The following ADAMTSL1 variants were observed in gnomAD, a reference collection of about 807,000 sequenced individuals.
ADAMTSL1 encodes ADAMTS-like protein 1.
Under a neutral mutation model 201.8 loss-of-function variants are expected in ADAMTSL1, and 126 were observed. That is an observed-to-expected ratio of 0.62 (90% CI 0.54 to 0.72). The LOEUF (loss-of-function observed/expected upper bound fraction) is 0.72, where lower values mean the gene tolerates loss of function less well. Among genes scored for constraint, ADAMTSL1 ranks in the 30% least tolerant of loss-of-function variants. The probability of loss-of-function intolerance (pLI) is 0.00; values close to 1 mark genes in which losing one functional copy is unlikely to be tolerated. For synonymous variants in ADAMTSL1, 1,121 were observed against 903.4 expected, an observed-to-expected ratio of 1.24 and a Z score of -4.32; for missense variants, 2,679 against 2,277.8, an observed-to-expected ratio of 1.18 and a Z score of -3.59.
At chr9:18,559,961 C>T (rs13300791) in intron 3 of ADAMTSL1, among the ~76,000 whole-genome samples, 6 of 152,096 alleles carry the variant, frequency 3.9e-5, no homozygotes, top group African/African-American at 1.2e-4. Flanking sequence ...CAAACAGAGA[C>T]AATTTGACTT....
chr9:18,310,613 G>A (rs147807287), intron 2 of ADAMTSL1, among the ~76,000 whole-genome samples: 119 of 152,106 alleles, frequency 7.8e-4, no homozygotes, highest in Middle Eastern at 6.8e-3. Context: ...AATGGTCATC[G>A]TCACTGGTCA....
chr9:18,565,409 C>G (rs1167132275), intron 3 of ADAMTSL1, among the ~76,000 whole-genome samples: 2 of 152,020 alleles, frequency 1.3e-5, no homozygotes, highest in Non-Finnish European at 2.9e-5. Flanking sequence ...ACTCATTTCC[C>G]TTGAATATGT....
At chr9:18,535,916 C>T (rs1484627959) in intron 3 of ADAMTSL1, among the ~76,000 whole-genome samples, 3 of 152,212 alleles carry the variant, frequency 2.0e-5, no homozygotes, top group East Asian at 1.9e-4. Context: ...ATGGGAAGTA[C>T]AACTTAAGAT....
At chr9:18,791,867 C>G (rs1197511162) in intron 19 of ADAMTSL1, among the ~76,000 whole-genome samples, 1 of 152,166 alleles carries the variant, frequency 6.6e-6, no homozygotes, top group Non-Finnish European at 1.5e-5. Flanking sequence ...ACTCTGTGCC[C>G]TCTGTGATGG....
chr9:18,319,081 G>T (rs72686857), intron 2 of ADAMTSL1, among the ~76,000 whole-genome samples: 12,903 of 152,052 alleles, frequency 0.085, 744 homozygotes, highest in Non-Finnish European at 0.12. Context: ...GGGAGTAGTG[G>T]CACGCCTGTA....
chr9:18,214,683 A>G (rs1453511416), intron 2 of ADAMTSL1, among the ~76,000 whole-genome samples: 1 of 152,210 alleles, frequency 6.6e-6, no homozygotes, highest in African/African-American at 2.4e-5. Flanking sequence ...GCTATTAATA[A>G]TGTTTACAAA....
At chr9:18,192,028 C>T (rs190888235) in intron 2 of ADAMTSL1, among the ~76,000 whole-genome samples, 42 of 152,224 alleles carry the variant, frequency 2.8e-4, no homozygotes, top group African/African-American at 9.6e-4. Context: ...CGGTGTTTGA[C>T]ATTGATGGTA....
rs71333072 is a variant in ADAMTSL1 at position 18,904,633 on chromosome 9, CAAAAAAAAAAAA to C, written c.4852-1121_4852-1110del. Among the ~76,000 whole-genome samples the C allele has an allele frequency of 8.1e-3, 122 of 14,998 alleles. 8 individuals carry two copies. Among genetic ancestry groups the C allele is most frequent in the African/African-American group, 0.023 (107 of 4,636 alleles). The allele number at this position is 14,998 out of a possible 152,430, so 9.8% of individuals were successfully genotyped here. On this transcript the variant is annotated intron_variant, in intron 26 of 28. Transcript: ENST00000380548. ...TGGGCAACAGAAAGAGACCCTGCCTCAAAAAAAAAAAAAAAAAAAAAAAAAAAAAAAAAAAAA... is the reference window on the plus strand; with the variant it reads ...TGGGCAACAGAAAGAGACCCTGCCTCAAAAAAAAAAAAAAAAAAAAAAAAA...
chr9:17,930,946 G>C (rs1014290731), intron 1 of ADAMTSL1, among the ~76,000 whole-genome samples: 1 of 152,062 alleles, frequency 6.6e-6, no homozygotes, highest in Non-Finnish European at 1.5e-5. Context: ...GACTGCTGGC[G>C]GCATTGTCCT....
At chr9:17,939,392 A>AT (rs553875093) in intron 1 of ADAMTSL1, among the ~76,000 whole-genome samples, 4 of 149,452 alleles carry the variant, frequency 2.7e-5, no homozygotes, top group Admixed American at 1.3e-4. Flanking sequence ...CCTTTCTACC[A>AT]TTTTTTTTGG....
At chr9:17,927,426 A>G (rs1253864820) in intron 1 of ADAMTSL1, among the ~76,000 whole-genome samples, 1 of 152,080 alleles carries the variant, frequency 6.6e-6, no homozygotes, top group Non-Finnish European at 1.5e-5. Context: ...ATATACATGT[A>G]TACATATATG....
At chr9:18,222,780 C>A (rs529125441) in intron 2 of ADAMTSL1, among the ~76,000 whole-genome samples, 2 of 151,572 alleles carry the variant, frequency 1.3e-5, no homozygotes, top group East Asian at 3.9e-4. Context: ...TGTTTGCCTG[C>A]AAAAACATCT....
At chr9:18,549,523 AT>A (rs1472025441) in intron 3 of ADAMTSL1, among the ~76,000 whole-genome samples, 1 of 152,016 alleles carries the variant, frequency 6.6e-6, no homozygotes, top group Non-Finnish European at 1.5e-5. Flanking sequence ...AACAATGGTG[AT>A]CCCCAAAGGG....
At chr9:18,711,374 G>C (rs771913454) in intron 14 of ADAMTSL1, among the ~76,000 whole-genome samples, 4 of 152,338 alleles carry the variant, frequency 2.6e-5, no homozygotes, top group Admixed American at 2.0e-4. Flanking sequence ...AGTGGGCGCA[G>C]GTCAGTGGGT....
intron 2 of ADAMTSL1, among the ~76,000 whole-genome samples, chr9:18,310,533 AGTG>A (rs1441839719): frequency 1.3e-5 from 2 of 152,154 alleles, no homozygotes; most frequent in Admixed American, 1.3e-4. Context: ...CCCATCAAAA[AGTG>A]GGCAAAGGAT....
At chr9:18,317,984 T>A (rs1197695091) in intron 2 of ADAMTSL1, among the ~76,000 whole-genome samples, 1 of 152,212 alleles carries the variant, frequency 6.6e-6, no homozygotes, top group East Asian at 1.9e-4. Flanking sequence ...GCTCTGCCCC[T>A]TAGCAGCCCA....
At chr9:18,443,977 T>C (rs1444470398) in intron 2 of ADAMTSL1, among the ~76,000 whole-genome samples, 2 of 152,202 alleles carry the variant, frequency 1.3e-5, no homozygotes, top group Non-Finnish European at 2.9e-5. Flanking sequence ...TGTGTTCTAA[T>C]GACATAGATG....
chr9:18,606,852 T>A (rs1344640448), intron 4 of ADAMTSL1, among the ~76,000 whole-genome samples: 1 of 152,198 alleles, frequency 6.6e-6, no homozygotes, highest in Non-Finnish European at 1.5e-5. Flanking sequence ...AATTTCCTAA[T>A]GTAATTTCCC....
chr9:18,011,173 G>T (rs1471728274), intron 1 of ADAMTSL1, among the ~76,000 whole-genome samples: 1 of 151,958 alleles, frequency 6.6e-6, no homozygotes, highest in Admixed American at 6.6e-5. Flanking sequence ...TGGATCTTGA[G>T]ACAAAAGAGG....
Sources: allele counts gnomAD v4.1 joint callset (sites outside exome capture counted in the v4.1 genomes callset), GRCh38; gene constraint gnomAD v4.1.1; transcripts MANE v1.5; gene names NCBI Gene and HGNC (gene_info 2026-07-23, HGNC 2026-07-21).